The following DACH2 variants were observed in gnomAD, a reference collection of about 807,000 sequenced individuals.
DACH2 encodes dachshund homolog 2.
Under a neutral mutation model 35.8 loss-of-function variants are expected in DACH2, and 17 were observed. The observed-to-expected ratio is 0.48, with a 90% confidence interval of 0.33 to 0.71. The LOEUF is 0.71. DACH2 is among the 30% of genes least tolerant of loss of function. The pLI, the probability that DACH2 is intolerant of heterozygous loss-of-function variation, is 0.02. For synonymous variants in DACH2, 195 were observed against 177.3 expected, an observed-to-expected ratio of 1.10 and a Z score of -0.79; for missense variants, 469 against 472.7, an observed-to-expected ratio of 0.99 and a Z score of 0.07.
chrX:86,610,302 T>A (rs1177664003), intron 3 of DACH2, among the ~76,000 whole-genome samples: 1 of 110,513 alleles, frequency 9.0e-6, no homozygotes, highest in South Asian at 3.9e-4. Flanking sequence ...CCCAAAGGTT[T>A]CTTTCTTTCT....
chrX:86,681,633 G>T (rs2040883213), intron 4 of DACH2, among the ~76,000 whole-genome samples: 1 of 101,084 alleles, frequency 9.9e-6, no homozygotes, highest in African/African-American at 3.6e-5. Flanking sequence ...AATTATATAT[G>T]ATATACATGA....
chrX:86,376,769 G>A, intron 1 of DACH2, 55 bp from the exon 2 acceptor site: 1 of 1,106,674 alleles, frequency 9.0e-7, no homozygotes, highest in Non-Finnish European at 1.2e-6. Context: ...TAACTAACCA[G>A]AACTCTCAAT....
chrX:86,325,036 A>T (rs2035088036), intron 1 of DACH2, among the ~76,000 whole-genome samples: 1 of 111,387 alleles, frequency 9.0e-6, no homozygotes, highest in Admixed American at 9.6e-5. Context: ...ATATCATTTG[A>T]TTGCAAACTG....
intron 1 of DACH2, among the ~76,000 whole-genome samples, chrX:86,158,896 A>G (rs2030650698): frequency 9.0e-6 from 1 of 111,395 alleles, no homozygotes; most frequent in Non-Finnish European, 1.9e-5. Context: ...GATACAAAAC[A>G]AGGTATTTTA....
At chrX:86,206,945 T>G (rs2147909526) in intron 1 of DACH2, among the ~76,000 whole-genome samples, 1 of 111,973 alleles carries the variant, frequency 8.9e-6, no homozygotes, top group African/African-American at 3.2e-5. Context: ...ATCTTTTTTG[T>G]AATACATTTT....
chrX:86,332,608 C>CAT (rs61323491), intron 1 of DACH2, among the ~76,000 whole-genome samples: 21,705 of 110,214 alleles, frequency 0.2, 2,524 homozygotes, highest in African/African-American at 0.44. Flanking sequence ...ATATTATAAA[C>CAT]GTAACACTAA....
intron 2 of DACH2, among the ~76,000 whole-genome samples, chrX:86,415,999 T>G (rs770838680): frequency 8.9e-5 from 10 of 112,069 alleles, no homozygotes; most frequent in African/African-American, 1.9e-4. Flanking sequence ...CTGATAAGAT[T>G]TCTGGTTTGA....
At chrX:86,525,579 A>G (rs1289146507) in intron 3 of DACH2, among the ~76,000 whole-genome samples, 1 of 111,693 alleles carries the variant, frequency 9.0e-6, no homozygotes, top group Non-Finnish European at 1.9e-5. Flanking sequence ...TGAGTGAATT[A>G]CTTTGATATA....
At chrX:86,597,519 G>A (rs997994842) in intron 3 of DACH2, among the ~76,000 whole-genome samples, 1 of 111,368 alleles carries the variant, frequency 9.0e-6, no homozygotes, top group African/African-American at 3.3e-5. Flanking sequence ...TGTGGTCAGA[G>A]GATATACTTT....
At chrX:86,285,149 T>G (rs774392300) in intron 1 of DACH2, among the ~76,000 whole-genome samples, 2 of 112,043 alleles carry the variant, frequency 1.8e-5, no homozygotes, top group African/African-American at 6.5e-5. Flanking sequence ...TTCATTCGTT[T>G]TTTGCATTAT....
intron 1 of DACH2, chrX:86,304,619 T>A (rs746840493): frequency 9.7e-5 from 16 of 164,589 alleles, no homozygotes; most frequent in Non-Finnish European, 2.1e-4. Context: ...GCAGGACTCC[T>A]ACCTCCGTTC....
At chrX:86,210,838 C>G (rs2032429030) in intron 1 of DACH2, among the ~76,000 whole-genome samples, 1 of 111,673 alleles carries the variant, frequency 9.0e-6, no homozygotes, top group African/African-American at 3.3e-5. Flanking sequence ...TTCCATTTGC[C>G]TATAGTAAAT....
At chrX:86,477,372 T>TATATATA (rs2037863017) in intron 2 of DACH2, among the ~76,000 whole-genome samples, 2 of 80,944 alleles carry the variant, frequency 2.5e-5, no homozygotes, top group African/African-American at 8.7e-5. Context: ...ATATATATAA[T>TATATATA]TGTTATATCC....
At chrX:86,681,052 C>G (rs777601491) in intron 4 of DACH2, among the ~76,000 whole-genome samples, 195 of 110,774 alleles carry the variant, frequency 1.8e-3, no homozygotes, top group African/African-American at 6.1e-3. Flanking sequence ...ATCTGTGTGT[C>G]TGTCTATCTA....
chrX:86,470,292 A>C (rs1321472581), intron 2 of DACH2, among the ~76,000 whole-genome samples: 1 of 111,878 alleles, frequency 8.9e-6, no homozygotes, highest in Admixed American at 9.5e-5. Context: ...TTTGATTGAC[A>C]TGTTTCTTGT....
At chrX:86,175,484 CTT>C (rs937540880) in intron 1 of DACH2, among the ~76,000 whole-genome samples, 3 of 111,197 alleles carry the variant, frequency 2.7e-5, no homozygotes, top group African/African-American at 9.8e-5. Context: ...TAGCAAATAA[CTT>C]AGGGTTGGCA....
At chrX:86,223,993 C>A (rs2032769201) in intron 1 of DACH2, among the ~76,000 whole-genome samples, 2 of 111,764 alleles carry the variant, frequency 1.8e-5, no homozygotes, top group African/African-American at 6.5e-5. Flanking sequence ...AAAGAGGGTT[C>A]TCTTTGAAAT....
At chrX:86,217,585 A>G (rs1366613627) in intron 1 of DACH2, among the ~76,000 whole-genome samples, 2 of 111,934 alleles carry the variant, frequency 1.8e-5, no homozygotes, top group African/African-American at 6.5e-5. Context: ...ACATAGTAAT[A>G]TACATATAAA....
chrX:86,593,398 T>TTA (rs2039672346), intron 3 of DACH2, among the ~76,000 whole-genome samples: 1 of 91,478 alleles, frequency 1.1e-5, no homozygotes, highest in African/African-American at 5.1e-5. Context: ...TATATATATT[T>TTA]TTTTATTTTA....
Sources: allele counts gnomAD v4.1 joint callset (sites outside exome capture counted in the v4.1 genomes callset), GRCh38; gene constraint gnomAD v4.1.1; transcripts MANE v1.5; gene names NCBI Gene and HGNC (gene_info 2026-07-23, HGNC 2026-07-21).